ST3GAL3: variants seen among roughly 807,000 people sequenced by gnomAD.
ST3GAL3 encodes CMP-N-acetylneuraminate-beta-1,4-galactoside alpha-2,3-sialyltransferase.
In ST3GAL3, 21 loss-of-function variants were observed where a neutral mutation model predicts 50.1. The observed-to-expected ratio is 0.42, with a 90% CI of 0.30 to 0.60. The LOEUF is 0.60. ST3GAL3 is among the 20% of genes least tolerant of loss of function. ST3GAL3 has a pLI of 0.19. For missense variants in ST3GAL3, 353 were observed against 489.4 expected (o/e 0.72, Z 2.63); for synonymous variants, 183 against 190.0 (o/e 0.96, Z 0.30).
At chr1:43,859,190 C>T (rs192494674) in intron 5 of ST3GAL3, among the ~76,000 whole-genome samples, 5 of 152,242 alleles carry the variant, frequency 3.3e-5, no homozygotes, top group South Asian at 2.1e-4. Context: ...GGCAGCATCA[C>T]GAAAAAAGGC....
At chr1:43,813,527 C>T (rs2060815722) in intron 3 of ST3GAL3, among the ~76,000 whole-genome samples, 1 of 152,196 alleles carries the variant, frequency 6.6e-6, no homozygotes, top group Non-Finnish European at 1.5e-5. Flanking sequence ...CAAGGCCATT[C>T]TCTTGGGAGG....
chr1:43,806,025 T>C (rs777966319), intron 3 of ST3GAL3, among the ~76,000 whole-genome samples: 10 of 152,180 alleles, frequency 6.6e-5, no homozygotes, highest in Middle Eastern at 3.4e-3. Context: ...TGAACCACCG[T>C]GCCCGGCAAG....
At chr1:43,720,635 G>A (rs1244579055) in intron 1 of ST3GAL3, 3 of 152,020 alleles carry the variant, frequency 2.0e-5, no homozygotes, top group African/African-American at 7.2e-5. Context: ...GCATTAATCC[G>A]TTCATGAGGG....
chr1:43,873,315 A>C (rs980413698), intron 5 of ST3GAL3, among the ~76,000 whole-genome samples: 2 of 152,074 alleles, frequency 1.3e-5, no homozygotes, highest in African/African-American at 4.8e-5. Flanking sequence ...TGAGAGAAAG[A>C]GAGTAATTTA....
At chr1:43,851,993 G>A (rs183946943) in intron 5 of ST3GAL3, among the ~76,000 whole-genome samples, 46 of 152,232 alleles carry the variant, frequency 3.0e-4, no homozygotes, top group Non-Finnish European at 8.8e-5. Flanking sequence ...CCCAAATGCT[G>A]TGTGAAGCAT....
At chr1:43,827,523 T>G (rs1459573156) in intron 4 of ST3GAL3, among the ~76,000 whole-genome samples, 2 of 151,526 alleles carry the variant, frequency 1.3e-5, no homozygotes, top group Non-Finnish European at 2.9e-5. Context: ...GGTTTTGGGG[T>G]TTTTTTTGAA....
chr1:43,805,103 G>C (rs1415131723), intron 3 of ST3GAL3, among the ~76,000 whole-genome samples: 1 of 152,142 alleles, frequency 6.6e-6, no homozygotes, highest in Admixed American at 6.5e-5. Context: ...AAAACTGACT[G>C]GGGATAACTG....
At chr1:43,781,704 C>T (rs921249027) in intron 2 of ST3GAL3, among the ~76,000 whole-genome samples, 4 of 152,030 alleles carry the variant, frequency 2.6e-5, no homozygotes, top group Admixed American at 6.6e-5. Flanking sequence ...TGGCCTACAA[C>T]GCCTAAAATA....
At chr1:43,860,918 T>C (rs2154231831) in intron 5 of ST3GAL3, among the ~76,000 whole-genome samples, 1 of 152,378 alleles carries the variant, frequency 6.6e-6, no homozygotes, top group Non-Finnish European at 1.5e-5. Flanking sequence ...GTGGTCTTAC[T>C]GTACTTAGAC....
intron 3 of ST3GAL3, among the ~76,000 whole-genome samples, chr1:43,809,778 T>G (rs2060319660): frequency 6.6e-6 from 1 of 151,850 alleles, no homozygotes. Context: ...GCGGATCACT[T>G]GAGGTCAGGA....
At chr1:43,889,253 A>G (rs2076387208) in intron 5 of ST3GAL3, among the ~76,000 whole-genome samples, 1 of 151,930 alleles carries the variant, frequency 6.6e-6, no homozygotes, top group Non-Finnish European at 1.5e-5. Flanking sequence ...ATTTACTTAT[A>G]TCAAGAAAAA....
chr1:43,765,957 G>A (rs1692770493), intron 2 of ST3GAL3, among the ~76,000 whole-genome samples: 1 of 152,014 alleles, frequency 6.6e-6, no homozygotes, highest in South Asian at 2.1e-4. Flanking sequence ...GATGTGTGCT[G>A]CAGGGAAGCA....
At chr1:43,895,329 C>T (rs1224097061) in intron 6 of ST3GAL3, among the ~76,000 whole-genome samples, 1 of 152,182 alleles carries the variant, frequency 6.6e-6, no homozygotes, top group Non-Finnish European at 1.5e-5. Context: ...ACCCACACAG[C>T]TCCATGCTAA....
intron 1 of ST3GAL3, among the ~76,000 whole-genome samples, chr1:43,728,628 A>G (rs1225459352): frequency 6.6e-6 from 1 of 152,146 alleles, no homozygotes; most frequent in Non-Finnish European, 1.5e-5. Context: ...ACACGTGCCT[A>G]TGGTCCTACC....
chr1:43,863,859 C>A (rs1337307269), intron 5 of ST3GAL3, among the ~76,000 whole-genome samples: 1 of 152,188 alleles, frequency 6.6e-6, no homozygotes, highest in African/African-American at 2.4e-5. Context: ...CTGGACCTGC[C>A]CATGGTGACT....
intron 5 of ST3GAL3, among the ~76,000 whole-genome samples, chr1:43,852,762 T>G (rs1194174623): frequency 6.6e-6 from 1 of 152,240 alleles, no homozygotes; most frequent in Non-Finnish European, 1.5e-5. Flanking sequence ...CACAGCTTTC[T>G]CACTTCACAG....
intron 2 of ST3GAL3, among the ~76,000 whole-genome samples, chr1:43,768,386 A>G (rs1261119012): frequency 6.6e-6 from 1 of 152,212 alleles, no homozygotes; most frequent in African/African-American, 2.4e-5. Context: ...GGCTGCAGTC[A>G]GATATGATCA....
chr1:43,862,755 A>G (rs2070320907), intron 5 of ST3GAL3, among the ~76,000 whole-genome samples: 1 of 151,910 alleles, frequency 6.6e-6, no homozygotes, highest in Non-Finnish European at 1.5e-5. Context: ...CAAAAAAAAA[A>G]AAAAAAAAAA....
chr1:43,898,220 C>G lies in ST3GAL3; in HGVS notation c.398-15C>G. 1 of 1,613,702 alleles carries G rather than the reference C, an allele frequency of 6.2e-7. No individual in the cohort carries two copies. Among genetic ancestry groups the G allele is most frequent in the African/African-American group, 1.3e-5 (1 of 75,024 alleles). On this transcript the variant is annotated splice_polypyrimidine_tract_variant and intron_variant, in intron 6 of 11. Transcript: ENST00000347631. ...AAGTGACCCTGTAACAGAAACCTCTCTCCTCTGTCTGCAGACAATCTGATC... is the reference window on the plus strand; with the variant it reads ...AAGTGACCCTGTAACAGAAACCTCTGTCCTCTGTCTGCAGACAATCTGATC...
Sources: gnomAD v4.1 joint callset for allele counts (sites outside exome capture counted in the v4.1 genomes callset) on GRCh38, gnomAD v4.1.1 for gene constraint, MANE v1.5 for transcripts, NCBI Gene and HGNC (gene_info 2026-07-23, HGNC 2026-07-21) for gene names.